The following COL4A3 variants were observed in gnomAD, a reference collection of about 807,000 sequenced individuals.
The protein encoded by COL4A3 is collagen type IV alpha 3 chain.
Under a neutral mutation model 217.4 loss-of-function variants are expected in COL4A3, and 135 were observed. That is an observed-to-expected ratio of 0.62 (90% CI 0.54 to 0.72). The LOEUF (loss-of-function observed/expected upper bound fraction) is 0.72, where lower values mean the gene tolerates loss of function less well. Among genes scored for constraint, COL4A3 ranks in the 30% least tolerant of loss-of-function variants. The pLI is 0.00. For synonymous variants in COL4A3, 690 were observed against 736.3 expected, an observed-to-expected ratio of 0.94 and a Z score of 1.02; for missense variants, 1,868 against 2,119.9, an observed-to-expected ratio of 0.88 and a Z score of 2.33.
At chr2:227,201,510 G>A (rs889830500) in intron 1 of COL4A3, among the ~76,000 whole-genome samples, 2 of 152,122 alleles carry the variant, frequency 1.3e-5, no homozygotes, top group African/African-American at 2.4e-5. Context: ...CACTGTATCC[G>A]TTTCCAGTTG....
In COL4A3 at chr2:227,276,417, G is replaced by A. The variant is rs1459418110; in HGVS notation, c.1960G>A (p.Val654Ile). ...PRGELSVSTPVPGPPGPPGPP... is the reference protein window; with the variant it reads ...PRGELSVSTPIPGPPGPPGPP... ...GGGAGAGCTCAGTGTTTCAACACCA[G>A]TTCCAGGCCCACCAGGACCTCCAGG... is the stretch of plus-strand genomic sequence containing the variant. The change falls in exon 27 of 52, where the codon GTT becomes ATT. Residue 654 changes from valine to isoleucine, a missense_variant. By Grantham distance (29) the Val-to-Ile change is conservative. This residue lies in a region of COL4A3 where 1,503 missense variants were observed against 1,786.1 expected (regional missense o/e 0.84). Transcript: ENST00000396578. The A allele has an allele frequency of 1.2e-6, 2 of 1,614,166 alleles. No homozygotes were observed. The highest frequency in any genetic ancestry group is 4.5e-5 in the East Asian group (2 of 44,884).
chr2:227,230,161 G>T (rs1348300077), intron 1 of COL4A3, among the ~76,000 whole-genome samples: 1 of 152,076 alleles, frequency 6.6e-6, no homozygotes, highest in Non-Finnish European at 1.5e-5. Flanking sequence ...TACATACATG[G>T]CCTGTGATTT....
chr2:227,209,592 C>A (rs1019578875), intron 1 of COL4A3, among the ~76,000 whole-genome samples: 4 of 152,162 alleles, frequency 2.6e-5, no homozygotes, highest in African/African-American at 9.7e-5. Flanking sequence ...GTAATCCCAG[C>A]ACTTTGGGAG....
intron 34 of COL4A3, among the ~76,000 whole-genome samples, chr2:227,286,313 A>G (rs1574793077): frequency 6.6e-6 from 1 of 151,580 alleles, no homozygotes; most frequent in African/African-American, 2.4e-5. Flanking sequence ...CCAACATGGC[A>G]AAACCCCATC....
chr2:227,287,027 G>A (rs554799669), intron 34 of COL4A3, among the ~76,000 whole-genome samples: 102 of 152,174 alleles, frequency 6.7e-4, no homozygotes, highest in Non-Finnish European at 1.2e-3. Context: ...GACACATAAT[G>A]GGTCCATAAA....
chr2:227,289,948 A>G lies in COL4A3; in HGVS notation c.2981-51A>G, dbSNP rs563807117. ...CAAGCAACAAGTATTTATTAAACAC[A>G]TACTATGTCCAGGAACTGTGCAGGG... is the stretch of plus-strand genomic sequence containing the variant. On this transcript the variant is annotated intron_variant, in intron 35 of 51. Transcript: ENST00000396578. The G allele has an allele frequency of 1.7e-4, 265 of 1,555,104 alleles. 6 individuals carry two copies. The South Asian group carries it at 2.8e-3, about 16-fold the overall frequency.
rs1553751598 is a variant in COL4A3, at chr2:227,249,212, G to GTA, written c.546+710_546+711dup. Among the ~76,000 whole-genome samples, 28 of 33,224 alleles carry GTA rather than the reference G, an allele frequency of 8.4e-4. 3 individuals carry two copies. Among genetic ancestry groups the GTA allele is most frequent in the Admixed American group, 2.1e-3 (6 of 2,814 alleles). 21.8% of individuals were successfully genotyped at this position (33,224 alleles called of 152,430 possible). A position where few individuals can be genotyped will look rare whatever the true frequency, so the allele number is the denominator to read the frequency against. Reference sequence around the variant, plus strand: ...AATTATATATAACCAAAATTAGCTAGTATATATATATATATATATTTTTTT... The same window carrying GTA: ...AATTATATATAACCAAAATTAGCTAGTATATATATATATATATATATTTTTTT... On this transcript the variant is annotated intron_variant, in intron 9 of 51. Coordinates refer to ENST00000396578, the MANE Select transcript of COL4A3 (RefSeq NM_000091.5).
At chr2:227,190,304 A>G (rs2066183453) in intron 1 of COL4A3, among the ~76,000 whole-genome samples, 1 of 152,180 alleles carries the variant, frequency 6.6e-6, no homozygotes, top group South Asian at 2.1e-4. Context: ...CCATGATACT[A>G]TATTTCCTCT....
At chr2:227,210,806 C>T (rs1448539853) in intron 1 of COL4A3, among the ~76,000 whole-genome samples, 2 of 152,076 alleles carry the variant, frequency 1.3e-5, no homozygotes, top group African/African-American at 4.8e-5. Flanking sequence ...TTTTCTTTGC[C>T]GTGTCTCCCC....
chr2:227,293,665 T>C, intron 38 of COL4A3: 1 of 483,110 alleles, frequency 2.1e-6, no homozygotes, highest in Non-Finnish European at 4.2e-6. Flanking sequence ...ACTAGGTGGC[T>C]TAAACTACAC....
chr2:227,188,613 C>G (rs114750520), intron 1 of COL4A3, among the ~76,000 whole-genome samples: 1 of 152,294 alleles, frequency 6.6e-6, no homozygotes, highest in Admixed American at 6.5e-5. Context: ...TTGTTTAAAA[C>G]TGGAACCATT....
chr2:227,199,796 T>C lies in COL4A3; in HGVS notation c.87+34983T>C, dbSNP rs1309637922. Among the ~76,000 whole-genome samples the C allele has an allele frequency of 2.0e-5, 3 of 152,088 alleles. No individual in the cohort carries two copies. The East Asian group carries it at 5.8e-4, about 29-fold the overall frequency. ...GGCAAGTTCAGAAGGGTTTGTGCTT[T>C]TAACATGCATAGTTCTTGTGCATAT... On this transcript the variant is annotated intron_variant, in intron 1 of 51. Transcript: ENST00000396578.
Position 227,293,207 on chromosome 2 carries a change from C to T in COL4A3, c.3227C>T (p.Pro1076Leu), listed in dbSNP as rs200984988. 1.1e-4 allele frequency: 177 copies of T among 1,613,676 alleles called. No homozygotes were observed. The highest frequency in any genetic ancestry group is 1.7e-4 in the African/African-American group (13 of 74,838). ...ACATTTAAGGGGGATCCAGGACTGC[C>T]GGGTGATATGGGAAAGAAAGGAGAA... is the stretch of plus-strand genomic sequence containing the variant. ...PPGPTGDPGLPGDMGKKGEMG... is the reference protein window; with the variant it reads ...PPGPTGDPGLLGDMGKKGEMG... Residue 1076 changes from proline (P) to leucine (L), a missense_variant, in exon 38 of 52, where the codon CCG becomes CTG. Around this residue, in one of 2 missense-constraint regions of COL4A3, gnomAD observed 1,503 missense variants for 1,786.1 expected, o/e 0.84. Transcript: ENST00000396578.
At chr2:227,310,974 C>G in intron 51 of COL4A3, 26 bp downstream of exon 51, 1 of 1,611,434 alleles carries the variant, frequency 6.2e-7, no homozygotes, top group South Asian at 1.1e-5. Flanking sequence ...CAAGCTTAAT[C>G]TGATGACTCA....
chr2:227,255,950 A>G lies in COL4A3; in HGVS notation c.889-76A>G. ...CCTGAGGTCAAGAGGAGATGATCAT[A>G]TCACTTAAGATTTCCGTATTTGTAA... On this transcript the variant is annotated intron_variant, in intron 15 of 51. Transcript: ENST00000396578. 2.8e-6 allele frequency: 4 copies of G among 1,435,564 alleles called. No homozygotes were observed. The South Asian group carries it at 3.5e-5, about 13-fold the overall frequency. 88.9% of individuals were successfully genotyped at this position (1,435,564 alleles called of 1,614,324 possible). A position where few individuals can be genotyped will look rare whatever the true frequency, so the allele number is the denominator to read the frequency against.
intron 38 of COL4A3, chr2:227,293,959 A>G: frequency 5.8e-6 from 2 of 342,198 alleles, no homozygotes; most frequent in Non-Finnish European, 1.2e-5. Context: ...CCAAATACAG[A>G]GTCATGTTCC....
chr2:227,296,527 G>T, intron 41 of COL4A3: 2 of 978,742 alleles, frequency 2.0e-6, no homozygotes, highest in Non-Finnish European at 2.4e-6. Flanking sequence ...GACTTGGAAG[G>T]TATGAATCCT....
At chr2:227,285,572 G>A (rs746825082) in intron 34 of COL4A3, among the ~76,000 whole-genome samples, 1 of 151,962 alleles carries the variant, frequency 6.6e-6, no homozygotes, top group Non-Finnish European at 1.5e-5. Context: ...TGTCTGCATA[G>A]ACACCACTTC....
chr2:227,227,286 C>A (rs2068150359), intron 1 of COL4A3, among the ~76,000 whole-genome samples: 1 of 152,192 alleles, frequency 6.6e-6, no homozygotes, highest in Non-Finnish European at 1.5e-5. Flanking sequence ...TGCCTTGTGG[C>A]CAGCAGAGCC....
Sources: gnomAD v4.1 joint callset for allele counts (sites outside exome capture counted in the v4.1 genomes callset) on GRCh38, gnomAD v4.1.1 for gene constraint, gnomAD v4.1.1 regional missense constraint, MANE v1.5 for transcripts, NCBI Gene and HGNC (gene_info 2026-07-23, HGNC 2026-07-21) for gene names.